CECR2: variants seen among roughly 807,000 people sequenced by gnomAD.
CECR2 encodes the protein CECR2 histone acetyl-lysine reader.
Under a neutral mutation model 154.5 loss-of-function variants are expected in CECR2, and 30 were observed. The ratio of observed to expected loss-of-function variants is 0.19; its 90% CI spans 0.15 to 0.26. The LOEUF is 0.26. Among genes scored for constraint, CECR2 ranks in the 10% least tolerant of loss-of-function variants. The pLI, the probability that CECR2 is intolerant of heterozygous loss-of-function variation, is 1.00. For synonymous variants in CECR2, 725 were observed against 683.7 expected, an observed-to-expected ratio of 1.06 and a Z score of -0.94; for missense variants, 1,743 against 1,829.3, an observed-to-expected ratio of 0.95 and a Z score of 0.86.
At chr22:17,540,347 C>A in intron 13 of CECR2, 65 bp from the exon 14 acceptor site, 1 of 1,365,574 alleles carries the variant, frequency 7.3e-7, no homozygotes, top group Non-Finnish European at 9.7e-7. Context: ...TTTCTATAAA[C>A]TATAGTTTCT....
chr22:17,388,096 AGGCACGCTCCACCATGCCT>A, intron 1 of CECR2, among the ~76,000 whole-genome samples: 1 of 152,186 alleles, frequency 6.6e-6, no homozygotes, highest in South Asian at 2.1e-4. Flanking sequence ...CTGGAACTAC[AGGCACGCTCCACCATGCCT>A]GGCTGATGTT....
chr22:17,407,883 C>T (rs902997301), intron 1 of CECR2, among the ~76,000 whole-genome samples: 2 of 152,124 alleles, frequency 1.3e-5, no homozygotes, highest in Non-Finnish European at 2.9e-5. Context: ...AATGTCAGTA[C>T]TGCTGAGATT....
intron 8 of CECR2, among the ~76,000 whole-genome samples, chr22:17,521,282 T>C (rs1435971175): frequency 2.6e-5 from 4 of 152,242 alleles, no homozygotes; most frequent in Non-Finnish European, 5.9e-5. Flanking sequence ...GGCTCACGCC[T>C]GTAATCCCAG....
In CECR2 at chr22:17,384,400, A is replaced by G. The variant is rs1327726168; in HGVS notation, c.126+14491A>G. Among the ~76,000 whole-genome samples, 5 of 152,306 alleles carry G rather than the reference A, an allele frequency of 3.3e-5. No individual in the cohort carries two copies. The East Asian group carries it at 7.7e-4, about 23-fold the overall frequency. ...CTCCCAGCCACAAAATGTATTTCTT[A>G]AATAATAAGACTTGAAAGTTGAAAT... On this transcript the variant is annotated intron_variant, in intron 1 of 18. Transcript: ENST00000262608.
chr22:17,370,363 TCGGCCG>T (rs2063043090), intron 1 of CECR2, among the ~76,000 whole-genome samples: 2 of 128,490 alleles, frequency 1.6e-5, no homozygotes, highest in African/African-American at 6.1e-5. Context: ...GGGGCGGGAG[TCGGCCG>T]CGGCCGGCGG....
intron 1 of CECR2, among the ~76,000 whole-genome samples, chr22:17,373,812 A>G (rs1383091787): frequency 6.6e-6 from 1 of 152,230 alleles, no homozygotes; most frequent in African/African-American, 2.4e-5. Flanking sequence ...CCTTTGCCTC[A>G]GAAGATTATC....
intron 18 of CECR2, 61 bp from the exon 19 acceptor site, chr22:17,552,774 G>GTTTTTTGTTTTTTTTTTT (rs1555944499): frequency 7.4e-6 from 7 of 943,718 alleles, no homozygotes; most frequent in Non-Finnish European, 8.9e-6. Context: ...GCTTACTTAA[G>GTTTTTTGTTTTTTTTTTT]TTTTTTTTTT....
intron 7 of CECR2, among the ~76,000 whole-genome samples, chr22:17,507,732 A>G (rs2055873030): frequency 6.6e-6 from 1 of 152,250 alleles, no homozygotes; most frequent in Non-Finnish European, 1.5e-5. Flanking sequence ...ACAATTTTCA[A>G]GAACCATGGA....
At chr22:17,530,388 A>G (rs1569145261) in intron 9 of CECR2, among the ~76,000 whole-genome samples, 1 of 151,958 alleles carries the variant, frequency 6.6e-6, no homozygotes, top group Non-Finnish European at 1.5e-5. Context: ...GAAAAAAAAA[A>G]TAAGGCCAGG....
chr22:17,362,354 A>G (rs1234373988), intron 1 of CECR2, among the ~76,000 whole-genome samples: 1 of 152,120 alleles, frequency 6.6e-6, no homozygotes, highest in African/African-American at 2.4e-5. Context: ...CCAAGAATCA[A>G]TAATTTAGAG....
intron 2 of CECR2, among the ~76,000 whole-genome samples, chr22:17,492,082 T>G (rs1367774443): frequency 6.6e-6 from 1 of 152,232 alleles, no homozygotes; most frequent in Admixed American, 6.5e-5. Flanking sequence ...ACTTGTTGCT[T>G]TACTACTAGA....
upstream of CECR2, among the ~76,000 whole-genome samples, chr22:17,365,084 C>T (rs1407263042): frequency 3.9e-5 from 6 of 151,972 alleles, no homozygotes; most frequent in East Asian, 2.0e-4. Context: ...ACTAGCCAGG[C>T]GTGGTGGTGC....
intron 9 of CECR2, among the ~76,000 whole-genome samples, chr22:17,527,354 A>C (rs965021386): frequency 2.0e-5 from 3 of 152,196 alleles, no homozygotes; most frequent in African/African-American, 7.2e-5. Flanking sequence ...GCTACTTGGG[A>C]AGCTGAGATG....
intron 1 of CECR2, among the ~76,000 whole-genome samples, chr22:17,454,279 A>T (rs894354841): frequency 2.0e-5 from 3 of 151,486 alleles, no homozygotes; most frequent in Non-Finnish European, 4.4e-5. Flanking sequence ...AGCCTGGATG[A>T]CAGAGTGAGA....
At chr22:17,505,134 C>T (rs1052692103) in intron 7 of CECR2, 118 bp downstream of exon 7, 6 of 994,904 alleles carry the variant, frequency 6.0e-6, no homozygotes, top group East Asian at 5.3e-5. Flanking sequence ...TGCAGTCTTC[C>T]ATCCTGTCTG....
At chr22:17,541,559 G>A (rs575688702) in intron 14 of CECR2, among the ~76,000 whole-genome samples, 20 of 152,194 alleles carry the variant, frequency 1.3e-4, no homozygotes, top group Non-Finnish European at 2.4e-4. Flanking sequence ...GGCAACTGGG[G>A]AGAAACGGCT....
chr22:17,475,930 G>A (rs745717335), intron 1 of CECR2, among the ~76,000 whole-genome samples: 10 of 151,708 alleles, frequency 6.6e-5, no homozygotes, highest in Non-Finnish European at 1.5e-4. Context: ...AGAATTCCTT[G>A]TATATACACA....
intron 7 of CECR2, 118 bp from the exon 8 acceptor site, chr22:17,511,695 C>T: frequency 2.7e-6 from 2 of 728,168 alleles, no homozygotes; most frequent in Non-Finnish European, 4.8e-6. Flanking sequence ...AAGCCTTTGG[C>T]CCTAACCTGT....
intron 1 of CECR2, among the ~76,000 whole-genome samples, chr22:17,474,868 G>A (rs573525603): frequency 5.3e-5 from 8 of 152,244 alleles, no homozygotes; most frequent in Non-Finnish European, 7.4e-5. Context: ...GTCTCGCTAT[G>A]TTCCTCAGGC....
Sources: gnomAD v4.1 joint callset for allele counts (sites outside exome capture counted in the v4.1 genomes callset) on GRCh38, gnomAD v4.1.1 for gene constraint, MANE v1.5 for transcripts, NCBI Gene and HGNC (gene_info 2026-07-23, HGNC 2026-07-21) for gene names.